The following FBXO31 variants were observed in gnomAD, a reference collection of about 807,000 sequenced individuals.
The protein encoded by FBXO31 is F-box protein 31.
A neutral mutation model predicts 54.4 loss-of-function variants in FBXO31; 24 were observed. The observed-to-expected ratio is 0.44, with a 90% CI of 0.32 to 0.62. The LOEUF (loss-of-function observed/expected upper bound fraction) is 0.62, where lower values mean the gene tolerates loss of function less well. Among genes scored for constraint, FBXO31 ranks in the 20% least tolerant of loss-of-function variants. The pLI is 0.05. For synonymous variants in FBXO31, 388 were observed against 335.6 expected (o/e 1.16, Z -1.71); for missense variants, 665 against 787.1 (o/e 0.84, Z 1.86).
intron 1 of FBXO31, among the ~76,000 whole-genome samples, chr16:87,380,002 GAAA>G (rs1269750231): frequency 4.9e-5 from 4 of 80,862 alleles, no homozygotes; most frequent in African/African-American, 4.6e-5. Context: ...CGCTCCAAAA[GAAA>G]AAAAAAAAAA....
rs1257985129 is a variant in FBXO31, at chr16:87,346,954, G to A, written c.489+220C>T. Among the ~76,000 whole-genome samples the A allele has an allele frequency of 6.6e-6, 1 of 152,250 alleles. No individual in the cohort carries two copies. The highest frequency in any genetic ancestry group is 2.4e-5 in the African/African-American group (1 of 41,468). Reference sequence around the variant, plus strand: ...CACCCCCTCAGACCAGAGAGTCCAAGGACGGGCCACAAGGCCGAAGTGTTG... The same window carrying A: ...CACCCCCTCAGACCAGAGAGTCCAAAGACGGGCCACAAGGCCGAAGTGTTG... On this transcript the variant is annotated intron_variant, in intron 3 of 8. Transcript: ENST00000311635. This position sits in a 1 kb window ranked among gnomAD's most constrained non-coding sequence, Gnocchi z 4.2.
chr16:87,346,925 A>T lies in FBXO31; in HGVS notation c.489+249T>A, dbSNP rs1905414745. Among the ~76,000 whole-genome samples the T allele has an allele frequency of 6.6e-6, 1 of 152,220 alleles. No individual in the cohort carries two copies. Among genetic ancestry groups the T allele is most frequent in the African/African-American group, 2.4e-5 (1 of 41,458 alleles). On this transcript the variant is annotated intron_variant, in intron 3 of 8. Transcript: ENST00000311635. This position sits in a 1 kb window ranked among gnomAD's most constrained non-coding sequence, Gnocchi z 4.2. The stretch of plus-strand genomic sequence containing the variant: ...GCGTCCAGGAAGCAAAGGCCCTCAC[A>T]AGCCACCCCCTCAGACCAGAGAGTC...
Position 87,346,106 on chromosome 16 carries a change from C to T in FBXO31, c.489+1068G>A, listed in dbSNP as rs569646568. On this transcript the variant is annotated intron_variant, in intron 3 of 8. Transcript: ENST00000311635. The surrounding 1 kb of genome is among the most constrained non-coding windows in gnomAD (Gnocchi z 4.2). ...GAATCAGGGCCTGGGGATAGAGTCA[C>T]GGACGGCCTCCGGCTGGGCCCTACA... Among the ~76,000 whole-genome samples the T allele has an allele frequency of 1.8e-4, 27 of 152,302 alleles. 1 individual carries two copies. In the South Asian group the frequency reaches 5.4e-3, roughly 30 times the overall value.
At chr16:87,348,464 A>G (rs1289786668) in intron 2 of FBXO31, among the ~76,000 whole-genome samples, 1 of 152,180 alleles carries the variant, frequency 6.6e-6, no homozygotes, top group Admixed American at 6.5e-5. Context: ...CCTTCCCTGA[A>G]CACGCCTGGG....
chr16:87,371,089 C>T (rs1906583276), intron 1 of FBXO31, among the ~76,000 whole-genome samples: 2 of 152,300 alleles, frequency 1.3e-5, no homozygotes, highest in Admixed American at 1.3e-4. Context: ...TCTGCAAACA[C>T]TCCCACAGCC....
At chr16:87,349,371 T>C (rs1905537365) in intron 2 of FBXO31, among the ~76,000 whole-genome samples, 1 of 152,180 alleles carries the variant, frequency 6.6e-6, no homozygotes, top group Admixed American at 6.5e-5. Flanking sequence ...AAGGCAGGGA[T>C]TGTGGAACAC....
chr16:87,390,492 G>A (rs941060676), upstream of FBXO31, among the ~76,000 whole-genome samples: 2 of 150,810 alleles, frequency 1.3e-5, no homozygotes, highest in Non-Finnish European at 3.0e-5. Context: ...CCAGGCTGGA[G>A]TGCAGTGGCA....
intron 1 of FBXO31, among the ~76,000 whole-genome samples, chr16:87,376,622 A>G (rs1206268029): frequency 1.3e-5 from 2 of 152,212 alleles, no homozygotes; most frequent in Non-Finnish European, 2.9e-5. Context: ...AAAGAAGAAA[A>G]TAAACACAGA....
intron 5 of FBXO31, among the ~76,000 whole-genome samples, chr16:87,342,624 T>C (rs1905227750): frequency 6.6e-6 from 1 of 152,148 alleles, no homozygotes; most frequent in African/African-American, 2.4e-5. Flanking sequence ...AAAGCAGAGC[T>C]AACTGAAGAA....
intron 1 of FBXO31, among the ~76,000 whole-genome samples, chr16:87,374,270 T>C (rs1171702497): frequency 6.8e-6 from 1 of 146,992 alleles, no homozygotes; most frequent in South Asian, 2.1e-4. Flanking sequence ...GAGAGGAAAA[T>C]GTGGTAAGTT....
At chr16:87,354,742 T>C (rs1905819897) in intron 2 of FBXO31, among the ~76,000 whole-genome samples, 1 of 150,872 alleles carries the variant, frequency 6.6e-6, no homozygotes, top group African/African-American at 2.4e-5. Context: ...CCGAGGTAGA[T>C]GGATCACCTG....
At chr16:87,356,321 C>T (rs567273969) in intron 2 of FBXO31, among the ~76,000 whole-genome samples, 3 of 152,272 alleles carry the variant, frequency 2.0e-5, no homozygotes, top group African/African-American at 4.8e-5. Flanking sequence ...CTCACTAAGT[C>T]GACTGTTCCC....
chr16:87,351,822 T>C (rs1243163472), intron 2 of FBXO31, among the ~76,000 whole-genome samples: 1 of 152,078 alleles, frequency 6.6e-6, no homozygotes, highest in Non-Finnish European at 1.5e-5. Flanking sequence ...TGAGCCAAGA[T>C]CATGCCACTG....
At chr16:87,391,306 C>CA (rs896152492), upstream of FBXO31, among the ~76,000 whole-genome samples, 5 of 152,224 alleles carry the variant, frequency 3.3e-5, no homozygotes, top group Admixed American at 6.5e-5. Flanking sequence ...GACCCTGTCT[C>CA]AAAAAAACCC....
At chr16:87,375,993 T>C (rs900948496) in intron 1 of FBXO31, among the ~76,000 whole-genome samples, 1 of 152,200 alleles carries the variant, frequency 6.6e-6, no homozygotes, top group African/African-American at 2.4e-5. Context: ...CAACTTACTA[T>C]TGCCAACAGG....
At chr16:87,386,336 G>C (rs1907327767), upstream of FBXO31, 2 of 152,228 alleles carry the variant, frequency 1.3e-5, no homozygotes, top group Non-Finnish European at 2.9e-5. Flanking sequence ...GATGAAAGTG[G>C]TGTTTTGGGA....
intron 1 of FBXO31, among the ~76,000 whole-genome samples, chr16:87,368,987 T>C (rs1597375512): frequency 6.6e-6 from 1 of 152,030 alleles, no homozygotes; most frequent in Non-Finnish European, 1.5e-5. Context: ...TTTTTAGTAG[T>C]GACGGGGTTT....
At chr16:87,343,096 T>C (rs1425989866) in intron 4 of FBXO31, 145 bp from the exon 5 acceptor site, 68 of 642,638 alleles carry the variant, frequency 1.1e-4, no homozygotes, top group Non-Finnish European at 1.7e-4. Context: ...ACCAACGCGG[T>C]GCCAGCGGAG....
At chr16:87,374,475 T>C (rs946760614) in intron 1 of FBXO31, among the ~76,000 whole-genome samples, 4 of 152,210 alleles carry the variant, frequency 2.6e-5, no homozygotes, top group African/African-American at 9.6e-5. Flanking sequence ...AATGGCTGCA[T>C]GGGCACGCGC....
Sources: gnomAD v4.1 joint callset for allele counts (sites outside exome capture counted in the v4.1 genomes callset) on GRCh38, gnomAD v4.1.1 for gene constraint, Gnocchi (gnomAD v3.1) non-coding constraint, MANE v1.5 for transcripts, NCBI Gene and HGNC (gene_info 2026-07-23, HGNC 2026-07-21) for gene names.